Variants in MSRA observed in about 807,000 individuals in gnomAD.
The protein encoded by MSRA is mitochondrial peptide methionine sulfoxide reductase.
Under a neutral mutation model 31.3 loss-of-function variants are expected in MSRA, and 54 were observed. The ratio of observed to expected loss-of-function variants is 1.73; its 90% CI spans 1.39 to 2.17. MSRA has a LOEUF of 2.17. Among genes scored for constraint, MSRA ranks in the 30% most tolerant of loss-of-function variants. MSRA has a pLI of 0.00. For missense variants in MSRA, 507 were observed against 300.9 expected (o/e 1.69, Z -5.07); for synonymous variants, 169 against 116.5 (o/e 1.45, Z -2.90).
intron 3 of MSRA, among the ~76,000 whole-genome samples, chr8:10,286,946 C>G (rs776187667): frequency 2.6e-5 from 4 of 152,214 alleles, no homozygotes; most frequent in Non-Finnish European, 5.9e-5. Flanking sequence ...AACTGCTGTG[C>G]TGACAAGGAA....
chr8:10,259,049 G>A (rs1287830720), intron 3 of MSRA, among the ~76,000 whole-genome samples: 2 of 151,788 alleles, frequency 1.3e-5, no homozygotes, highest in African/African-American at 2.4e-5. Flanking sequence ...GGAGGTTGCC[G>A]TGAGCTGAGA....
At chr8:10,413,434 T>C (rs1808273605) in intron 5 of MSRA, among the ~76,000 whole-genome samples, 1 of 152,180 alleles carries the variant, frequency 6.6e-6, no homozygotes, top group South Asian at 2.1e-4. Flanking sequence ...CACCACACTG[T>C]GGGGCAGGAC....
intron 5 of MSRA, among the ~76,000 whole-genome samples, chr8:10,372,263 G>T (rs1284062646): frequency 6.6e-6 from 1 of 152,164 alleles, no homozygotes; most frequent in Admixed American, 6.5e-5. Context: ...GTCCAATTGG[G>T]AATTAAGAAA....
At position 10,217,762 on chromosome 8, in the gene MSRA, A is replaced by G. The variant is rs545858376; in HGVS notation, c.211+9861A>G. On this transcript the variant is annotated intron_variant, in intron 2 of 5. Coordinates refer to ENST00000317173, the MANE Select transcript of MSRA (RefSeq NM_012331.5). ...ATAAGATGGATTTTTTACACCTAAA[A>G]TAATACTTTTTAAATATCATCAAAT... Among the ~76,000 whole-genome samples the G allele has an allele frequency of 8.5e-5, 13 of 152,344 alleles. 1 individual carries two copies. The South Asian group carries it at 2.5e-3, about 29-fold the overall frequency.
At chr8:10,382,474 G>A (rs1452087411) in intron 5 of MSRA, among the ~76,000 whole-genome samples, 3 of 152,186 alleles carry the variant, frequency 2.0e-5, no homozygotes, top group Non-Finnish European at 4.4e-5. Context: ...ATCTTGACCT[G>A]CAAGGAGGCA....
At chr8:10,266,006 C>T (rs148796873) in intron 3 of MSRA, among the ~76,000 whole-genome samples, 28 of 152,328 alleles carry the variant, frequency 1.8e-4, no homozygotes, top group Admixed American at 9.8e-4. Flanking sequence ...GATGAACAGT[C>T]AGGTTGTTTT....
At chr8:10,155,926 A>G (rs1159005555) in intron 1 of MSRA, among the ~76,000 whole-genome samples, 1 of 152,178 alleles carries the variant, frequency 6.6e-6, no homozygotes, top group East Asian at 1.9e-4. Flanking sequence ...TGTGAAAACT[A>G]TTGGATGAGA....
At chr8:10,338,823 T>G (rs1241062205) in intron 5 of MSRA, among the ~76,000 whole-genome samples, 2 of 152,192 alleles carry the variant, frequency 1.3e-5, no homozygotes, top group Admixed American at 1.3e-4. Flanking sequence ...CCTGCAAAAC[T>G]GAGCTAGCAA....
At chr8:10,078,618 C>T (rs1798118980) in intron 1 of MSRA, among the ~76,000 whole-genome samples, 1 of 152,246 alleles carries the variant, frequency 6.6e-6, no homozygotes, top group African/African-American at 2.4e-5. Flanking sequence ...TGCCACGGTG[C>T]TGCACCCTGC....
At chr8:10,242,842 T>C (rs566267898) in intron 2 of MSRA, among the ~76,000 whole-genome samples, 1 of 152,216 alleles carries the variant, frequency 6.6e-6, no homozygotes, top group Admixed American at 6.5e-5. Flanking sequence ...ACAACCTGTG[T>C]CCTAAGTCAC....
intron 5 of MSRA, chr8:10,337,523 A>G: frequency 3.4e-6 from 2 of 585,696 alleles, no homozygotes; most frequent in Non-Finnish European, 3.0e-6. Flanking sequence ...ACTGTGTGCT[A>G]CTAGGCTACA....
intron 3 of MSRA, among the ~76,000 whole-genome samples, chr8:10,255,372 C>T (rs1465532991): frequency 2.0e-5 from 3 of 152,242 alleles, no homozygotes. Flanking sequence ...AGAGATGTTT[C>T]TGTACAGGTC....
chr8:10,086,261 C>G (rs1033448590), intron 1 of MSRA, among the ~76,000 whole-genome samples: 1 of 152,148 alleles, frequency 6.6e-6, no homozygotes, highest in Non-Finnish European at 1.5e-5. Context: ...GAAGATGACT[C>G]TTGGGTTTTC....
intron 1 of MSRA, among the ~76,000 whole-genome samples, chr8:10,121,734 G>A (rs1466424114): frequency 6.6e-6 from 1 of 151,670 alleles, no homozygotes; most frequent in Non-Finnish European, 1.5e-5. Context: ...GCAGCGGTAT[G>A]ATCATAGCTT....
At chr8:10,384,380 A>G (rs546081857) in intron 5 of MSRA, among the ~76,000 whole-genome samples, 1 of 152,206 alleles carries the variant, frequency 6.6e-6, no homozygotes. Context: ...ATATCGACAG[A>G]CCAGTGTCAA....
intron 1 of MSRA, among the ~76,000 whole-genome samples, chr8:10,151,114 G>C (rs1803626098): frequency 6.6e-6 from 1 of 151,794 alleles, no homozygotes; most frequent in African/African-American, 2.4e-5. Context: ...GAGGATCCAT[G>C]CCTACTTGTG....
chr8:10,195,253 TG>T (rs1563204848), intron 1 of MSRA, among the ~76,000 whole-genome samples: 2 of 152,334 alleles, frequency 1.3e-5, no homozygotes, highest in East Asian at 3.9e-4. Context: ...CTTTTTTGTT[TG>T]TTTGTTTTTT....
chr8:10,065,322 G>C (rs1332265375), intron 1 of MSRA, among the ~76,000 whole-genome samples: 2 of 152,166 alleles, frequency 1.3e-5, no homozygotes, highest in Non-Finnish European at 2.9e-5. Flanking sequence ...ACTTCACCTG[G>C]TGGCCCATCC....
chr8:10,266,603 A>C (rs1466883825), intron 3 of MSRA, among the ~76,000 whole-genome samples: 1 of 150,532 alleles, frequency 6.6e-6, no homozygotes, highest in South Asian at 2.1e-4. Flanking sequence ...GATCCAGTCT[A>C]TCGGTTTTTT....
Sources: allele counts gnomAD v4.1 joint callset (sites outside exome capture counted in the v4.1 genomes callset), GRCh38; gene constraint gnomAD v4.1.1; transcripts MANE v1.5; gene names NCBI Gene and HGNC (gene_info 2026-07-23, HGNC 2026-07-21).